Variants in MYO1D observed in about 807,000 individuals in gnomAD.
MYO1D encodes myosin ID, also known as unconventional myosin-Id.
A neutral mutation model predicts 122.0 loss-of-function variants in MYO1D; 83 were observed. The ratio of observed to expected loss-of-function variants is 0.68; its 90% CI spans 0.57 to 0.82. The LOEUF (loss-of-function observed/expected upper bound fraction) is 0.82. Ranked by LOEUF, MYO1D falls within the 40% of genes least tolerant of loss-of-function variation. The pLI is 0.00. For missense variants in MYO1D, 1,157 were observed against 1,269.5 expected, an observed-to-expected ratio of 0.91 and a Z score of 1.35; for synonymous variants, 464 against 446.9, an observed-to-expected ratio of 1.04 and a Z score of -0.48.
chr17:32,871,139 A>G (rs968822338), intron 1 of MYO1D, among the ~76,000 whole-genome samples: 4 of 152,202 alleles, frequency 2.6e-5, no homozygotes, highest in Admixed American at 2.0e-4. Flanking sequence ...GGGTGAAAAC[A>G]GCAAGAGCCA....
chr17:32,719,352 T>C (rs1447419649), intron 15 of MYO1D, among the ~76,000 whole-genome samples: 11 of 52,120 alleles, frequency 2.1e-4, no homozygotes, highest in Non-Finnish European at 4.2e-4. Flanking sequence ...CTCCTTGCCC[T>C]TTTTTTTTTT....
chr17:32,874,316 T>TGTGTCTCTGTCTCTCTC (rs1411392544), intron 1 of MYO1D, among the ~76,000 whole-genome samples: 3 of 27,270 alleles, frequency 1.1e-4, no homozygotes, highest in African/African-American at 7.5e-4. Context: ...CTCTCTCTCT[T>TGTGTCTCTGTCTCTCTC]TGTGTCTCTG....
At chr17:32,844,109 T>TATTAA (rs751368710) in intron 1 of MYO1D, among the ~76,000 whole-genome samples, 1 of 150,328 alleles carries the variant, frequency 6.7e-6, no homozygotes, top group Non-Finnish European at 1.5e-5. Context: ...CCAGTAAATT[T>TATTAA]ATTAAATATT....
At chr17:32,817,978 T>G (rs920678167) in intron 1 of MYO1D, among the ~76,000 whole-genome samples, 2 of 148,776 alleles carry the variant, frequency 1.3e-5, no homozygotes, top group East Asian at 4.0e-4. Flanking sequence ...TACAAAAAAT[T>G]AGCCGGGCGT....
chr17:32,849,211 T>C (rs999013769), intron 1 of MYO1D, among the ~76,000 whole-genome samples: 3 of 150,892 alleles, frequency 2.0e-5, no homozygotes, highest in East Asian at 3.9e-4. Flanking sequence ...TTTTACACTG[T>C]TGGTGGGACT....
intron 21 of MYO1D, among the ~76,000 whole-genome samples, chr17:32,544,442 A>T (rs2086947497): frequency 6.6e-6 from 1 of 152,150 alleles, no homozygotes; most frequent in Non-Finnish European, 1.5e-5. Flanking sequence ...TTTTCTTTTA[A>T]AAATTCTACT....
intron 20 of MYO1D, among the ~76,000 whole-genome samples, chr17:32,617,039 G>T (rs538011178): frequency 1.3e-5 from 2 of 152,130 alleles, no homozygotes; most frequent in Non-Finnish European, 2.9e-5. Context: ...AAATTAGCTG[G>T]GCATGGTGGC....
chr17:32,834,006 C>T (rs777963031), intron 1 of MYO1D, among the ~76,000 whole-genome samples: 4 of 152,142 alleles, frequency 2.6e-5, no homozygotes, highest in Non-Finnish European at 4.4e-5. Flanking sequence ...TATTTTTAGT[C>T]TGTCTCCCCC....
intron 21 of MYO1D, among the ~76,000 whole-genome samples, chr17:32,562,769 G>A (rs915749814): frequency 6.6e-6 from 1 of 152,168 alleles, no homozygotes; most frequent in East Asian, 1.9e-4. Context: ...TGCCCGGACA[G>A]GATATTTCTT....
intron 16 of MYO1D, among the ~76,000 whole-genome samples, chr17:32,709,892 T>A (rs114465699): frequency 6.6e-6 from 1 of 152,012 alleles, no homozygotes; most frequent in Non-Finnish European, 1.5e-5. Context: ...ACAAAAATAA[T>A]AAAGTATCTA....
At chr17:32,632,758 C>T (rs762469273) in intron 20 of MYO1D, among the ~76,000 whole-genome samples, 4 of 151,808 alleles carry the variant, frequency 2.6e-5, no homozygotes, top group South Asian at 2.1e-4. Context: ...GGAGGTAAGA[C>T]GGAAAGGAGG....
At chr17:32,515,466 A>AT (rs1298769572) in intron 21 of MYO1D, among the ~76,000 whole-genome samples, 1 of 151,800 alleles carries the variant, frequency 6.6e-6, no homozygotes, top group African/African-American at 2.4e-5. Context: ...TAATTTTTTG[A>AT]TTTTTTGTAG....
intron 14 of MYO1D, among the ~76,000 whole-genome samples, chr17:32,723,991 T>A (rs79246917): frequency 6.6e-6 from 1 of 152,332 alleles, no homozygotes; most frequent in African/African-American, 2.4e-5. Flanking sequence ...TAGTGATGTG[T>A]GATCAAACGT....
At chr17:32,644,969 T>C (rs1357946378) in intron 19 of MYO1D, among the ~76,000 whole-genome samples, 1 of 152,216 alleles carries the variant, frequency 6.6e-6, no homozygotes, top group Non-Finnish European at 1.5e-5. Flanking sequence ...TGTTAGCTGG[T>C]TATTTTGCTC....
chr17:32,522,690 G>A (rs1022096041), intron 21 of MYO1D, among the ~76,000 whole-genome samples: 2 of 152,110 alleles, frequency 1.3e-5, no homozygotes, highest in East Asian at 1.9e-4. Flanking sequence ...ACGGAAAAAC[G>A]AGTGGGGTAG....
chr17:32,642,645 A>T (rs146004020), intron 19 of MYO1D, among the ~76,000 whole-genome samples: 2 of 152,066 alleles, frequency 1.3e-5, no homozygotes, highest in African/African-American at 2.4e-5. Context: ...GTCCTTCACA[A>T]CCCTTGTAAG....
chr17:32,835,155 T>C (rs2151069453), intron 1 of MYO1D, among the ~76,000 whole-genome samples: 1 of 151,806 alleles, frequency 6.6e-6, no homozygotes, highest in South Asian at 2.1e-4. Flanking sequence ...GGTTTTGCTT[T>C]CTTTTGGGGT....
At chr17:32,805,648 A>C (rs1306470892) in intron 1 of MYO1D, among the ~76,000 whole-genome samples, 1 of 149,084 alleles carries the variant, frequency 6.7e-6, no homozygotes, top group Non-Finnish European at 1.5e-5. Context: ...AACAAACATT[A>C]CTTCAAGGCC....
chr17:32,735,876 G>A (rs2089695599), intron 14 of MYO1D, among the ~76,000 whole-genome samples: 2 of 151,954 alleles, frequency 1.3e-5, no homozygotes, highest in South Asian at 4.2e-4. Context: ...TTGGTGAGAG[G>A]TGGCTTGATA....
Sources: gnomAD v4.1 joint callset for allele counts (sites outside exome capture counted in the v4.1 genomes callset) on GRCh38, gnomAD v4.1.1 for gene constraint, MANE v1.5 for transcripts, NCBI Gene and HGNC (gene_info 2026-07-23, HGNC 2026-07-21) for gene names.